Variants in METTL15 observed in about 807,000 individuals in gnomAD.
The protein encoded by METTL15 is methyltransferase 15, mitochondrial 12S rRNA N4-cytidine.
Under a neutral mutation model 38.3 loss-of-function variants are expected in METTL15, and 34 were observed. The observed-to-expected ratio is 0.89, with a 90% CI of 0.68 to 1.18. The LOEUF (loss-of-function observed/expected upper bound fraction) is 1.18, where lower values mean the gene tolerates loss of function less well. Among genes scored for constraint, METTL15 ranks in the 50% most tolerant of loss-of-function variants. METTL15 has a pLI of 0.00. For missense variants in METTL15, 438 were observed against 498.4 expected (o/e 0.88, Z 1.15); for synonymous variants, 162 against 170.9 (o/e 0.95, Z 0.41).
chr11:28,258,970 C>A (rs1855085690), intron 4 of METTL15, among the ~76,000 whole-genome samples: 1 of 152,202 alleles, frequency 6.6e-6, no homozygotes, highest in East Asian at 2.0e-4. Context: ...GCCAGTACAG[C>A]TGGGAATTTG....
chr11:28,162,304 GA>G (rs1850494059), intron 3 of METTL15, among the ~76,000 whole-genome samples: 1 of 152,132 alleles, frequency 6.6e-6, no homozygotes. Flanking sequence ...GAATAAATTA[GA>G]GTGTACATTG....
chr11:28,313,508 G>T (rs1313115351), intron 6 of METTL15, among the ~76,000 whole-genome samples: 1 of 150,992 alleles, frequency 6.6e-6, no homozygotes, highest in Non-Finnish European at 1.5e-5. Flanking sequence ...TATTATAAAA[G>T]TATCTTTGTT....
intron 5 of METTL15, among the ~76,000 whole-genome samples, chr11:28,376,779 A>G (rs1243585500): frequency 3.3e-5 from 5 of 149,372 alleles, no homozygotes; most frequent in Non-Finnish European, 7.5e-5. Flanking sequence ...TTTTGGCATG[A>G]CTTTGCAGCG....
intron 6 of METTL15, among the ~76,000 whole-genome samples, chr11:28,503,470 C>G (rs1851600992): frequency 6.6e-6 from 1 of 152,158 alleles, no homozygotes; most frequent in South Asian, 2.1e-4. Context: ...AATTAAGTAA[C>G]TCATTTTACC....
chr11:28,128,573 A>AT (rs1366435168), intron 3 of METTL15, among the ~76,000 whole-genome samples: 2 of 152,074 alleles, frequency 1.3e-5, no homozygotes, highest in African/African-American at 4.8e-5. Context: ...AGAAACTTAA[A>AT]TTTTTTACAA....
chr11:28,211,263 C>A, intron 4 of METTL15, 65 bp downstream of exon 4: 1 of 1,478,634 alleles, frequency 6.8e-7, no homozygotes, highest in Non-Finnish European at 9.1e-7. Flanking sequence ...TGGTTTACCA[C>A]CTTGGAATTT....
intron 3 of METTL15, among the ~76,000 whole-genome samples, chr11:28,141,529 A>T (rs184687559): frequency 6.1e-5 from 9 of 148,142 alleles, no homozygotes; most frequent in Admixed American, 1.4e-4. Flanking sequence ...CAAAAAAATT[A>T]AAAAAAAAAA....
At position 28,466,599 on chromosome 11, in the gene METTL15, A is replaced by G. The variant is rs77041530; in HGVS notation, c.*424+42235A>G. ...AATTCTGTAATCCAAAGCCAGTGTC[A>G]ACCCCAGCCTCACTCCTTCCGTCCG... is the stretch of plus-strand genomic sequence containing the variant. On this transcript the variant is annotated intron_variant and NMD_transcript_variant, in intron 6 of 7. Coordinates refer to the METTL15 transcript ENST00000532947. Among the ~76,000 whole-genome samples the G allele has an allele frequency of 9.7e-3, 1,480 of 152,326 alleles. 15 individuals are homozygous for G. Among genetic ancestry groups the G allele is most frequent in the Non-Finnish European group, 0.016 (1,109 of 68,022 alleles).
chr11:28,225,981 A>AT (rs1853461379), intron 4 of METTL15, among the ~76,000 whole-genome samples: 1 of 151,756 alleles, frequency 6.6e-6, no homozygotes, highest in Non-Finnish European at 1.5e-5. Context: ...TATGGTTTTT[A>AT]TTGTCAATAT....
chr11:28,312,861 C>T (rs961516150), intron 6 of METTL15, among the ~76,000 whole-genome samples: 1 of 152,096 alleles, frequency 6.6e-6, no homozygotes, highest in Non-Finnish European at 1.5e-5. Flanking sequence ...TGAGGACAGT[C>T]TCATGACCTG....
intron 3 of METTL15, among the ~76,000 whole-genome samples, chr11:28,151,030 A>AG (rs1156719000): frequency 2.0e-5 from 3 of 151,130 alleles, no homozygotes; most frequent in Admixed American, 2.0e-4. Context: ...AAAAAAGAAA[A>AG]GGAAAAAAAG....
intron 4 of METTL15, among the ~76,000 whole-genome samples, chr11:28,271,648 T>A (rs903665457): frequency 1.3e-5 from 2 of 152,190 alleles, no homozygotes; most frequent in Non-Finnish European, 2.9e-5. Context: ...TCTCCTGGCA[T>A]GCCATTCTAT....
chr11:28,428,227 A>G (rs1850882292), intron 6 of METTL15, among the ~76,000 whole-genome samples: 1 of 152,194 alleles, frequency 6.6e-6, no homozygotes, highest in Non-Finnish European at 1.5e-5. Context: ...TAAGCTATAA[A>G]CCTATATAGC....
At chr11:28,119,343 A>G (rs193160733) in intron 3 of METTL15, among the ~76,000 whole-genome samples, 1 of 152,364 alleles carries the variant, frequency 6.6e-6, no homozygotes, top group East Asian at 1.9e-4. Flanking sequence ...GTTTTAAGTG[A>G]ATGAATAAAA....
At chr11:28,311,407 A>G (rs1857300767) in intron 6 of METTL15, among the ~76,000 whole-genome samples, 1 of 152,174 alleles carries the variant, frequency 6.6e-6, no homozygotes, top group African/African-American at 2.4e-5. Context: ...CCTTCTTGCC[A>G]TCCTCCTGAA....
intron 4 of METTL15, among the ~76,000 whole-genome samples, chr11:28,360,320 A>G (rs928028232): frequency 6.6e-5 from 10 of 152,204 alleles, no homozygotes; most frequent in African/African-American, 1.7e-4. Context: ...CTCCCCGGCC[A>G]TGGCCAATTG....
chr11:28,228,629 A>G (rs1483063422), intron 4 of METTL15, among the ~76,000 whole-genome samples: 2 of 151,898 alleles, frequency 1.3e-5, no homozygotes, highest in Admixed American at 1.3e-4. Context: ...GTTTCTGTGT[A>G]TATGTGACTG....
intron 6 of METTL15, 31 bp from the exon 7 acceptor site, chr11:28,330,365 T>A (rs1234670546): frequency 6.7e-7 from 1 of 1,486,066 alleles, no homozygotes; most frequent in Non-Finnish European, 9.0e-7. Flanking sequence ...TTACCGGTCT[T>A]CTTTTCCTAT....
intron 4 of METTL15, among the ~76,000 whole-genome samples, chr11:28,266,719 C>T (rs1040969811): frequency 2.0e-5 from 3 of 152,198 alleles, no homozygotes; most frequent in African/African-American, 7.2e-5. Flanking sequence ...CTTTCTCTTA[C>T]CTGGATCAGT....
Sources: gnomAD v4.1 joint callset for allele counts (sites outside exome capture counted in the v4.1 genomes callset) on GRCh38, gnomAD v4.1.1 for gene constraint, MANE v1.5 for transcripts, NCBI Gene and HGNC (gene_info 2026-07-23, HGNC 2026-07-21) for gene names.